ASPRV1: variants seen among roughly 807,000 people sequenced by gnomAD.
The protein encoded by ASPRV1 is retroviral-like aspartic protease 1.
A neutral mutation model predicts 11.0 loss-of-function variants in ASPRV1; 7 were observed. That is an observed-to-expected ratio of 0.64 (90% CI 0.36 to 1.20). The LOEUF is 1.20. ASPRV1 is among the 50% of genes most tolerant of loss of function. ASPRV1 has a pLI of 0.02. For missense variants in ASPRV1, 299 were observed against 320.0 expected (o/e 0.93, Z 0.50); for synonymous variants, 136 against 138.4 (o/e 0.98, Z 0.12).
the ASPRV1 span, among the ~76,000 whole-genome samples, chr2:70,038,216 A>G: frequency 6.6e-6 from 1 of 152,248 alleles, no homozygotes; most frequent in African/African-American, 2.4e-5. Context: ...AAAAGTAAAC[A>G]TCAGAGGGTC....
the ASPRV1 span, among the ~76,000 whole-genome samples, chr2:70,026,147 T>C: frequency 9.9e-5 from 15 of 152,124 alleles, no homozygotes; most frequent in Non-Finnish European, 1.6e-4. Context: ...GGTGAAACCT[T>C]GTCTCTACTA....
At chr2:70,055,029 G>A in the ASPRV1 span, among the ~76,000 whole-genome samples, 351 of 152,298 alleles carry the variant, frequency 2.3e-3, 3 homozygotes, top group Non-Finnish European at 4.2e-3. Context: ...CAGGACAGGC[G>A]AGGTGGCTCA....
chr2:70,011,415 CAGT>C, the ASPRV1 span, among the ~76,000 whole-genome samples: 1 of 151,988 alleles, frequency 6.6e-6, no homozygotes, highest in Non-Finnish European at 1.5e-5. Flanking sequence ...TGAGCTGAGG[CAGT>C]GGTGGTGGGG....
chr2:69,962,983 G>A (rs1678186480), upstream of ASPRV1: 3 of 312,832 alleles, frequency 9.6e-6, no homozygotes, highest in African/African-American at 6.5e-5. Context: ...TGGCACACCT[G>A]TGGCTCTGGG....
At chr2:69,968,232 C>T in the ASPRV1 span, among the ~76,000 whole-genome samples, 1 of 151,588 alleles carries the variant, frequency 6.6e-6, no homozygotes. Context: ...TTAAAAGGTG[C>T]TTTAAAAACT....
the ASPRV1 span, chr2:69,988,803 C>G: frequency 4.4e-6 from 2 of 456,640 alleles, 1 homozygote; most frequent in Non-Finnish European, 8.8e-6. Flanking sequence ...TCTGCCACCT[C>G]AAAGCAGGGG....
chr2:70,045,246 A>C, the ASPRV1 span: 1 of 152,200 alleles, frequency 6.6e-6, no homozygotes, highest in Non-Finnish European at 1.5e-5. Context: ...TACAGACTTG[A>C]GGAGAAATAA....
the ASPRV1 span, among the ~76,000 whole-genome samples, chr2:69,933,200 C>G: frequency 3.7e-5 from 3 of 80,142 alleles, no homozygotes; most frequent in Non-Finnish European, 7.5e-5. Flanking sequence ...AACTCTGTCT[C>G]AAAAAAAAAA....
At chr2:69,967,810 G>C in the ASPRV1 span, among the ~76,000 whole-genome samples, 1 of 152,336 alleles carries the variant, frequency 6.6e-6, no homozygotes, top group Non-Finnish European at 1.5e-5. Flanking sequence ...GCCAGGCATG[G>C]TGGCTCATGC....
At chr2:69,959,854 T>G (rs1050778030), downstream of ASPRV1, among the ~76,000 whole-genome samples, 1 of 152,252 alleles carries the variant, frequency 6.6e-6, no homozygotes. Context: ...GCTAAAATAC[T>G]ACAGATTGAA....
At chr2:70,037,433 C>T in the ASPRV1 span, among the ~76,000 whole-genome samples, 2 of 152,296 alleles carry the variant, frequency 1.3e-5, no homozygotes, top group African/African-American at 4.8e-5. Context: ...AGGCCGTTCT[C>T]GTGCCTCAGC....
At chr2:70,083,612 G>C in the ASPRV1 span, 1 of 152,148 alleles carries the variant, frequency 6.6e-6, no homozygotes, top group Admixed American at 6.6e-5. Flanking sequence ...TCAGTCAATT[G>C]CTCCATGTCT....
the ASPRV1 span, among the ~76,000 whole-genome samples, chr2:70,058,065 G>A: frequency 6.6e-6 from 1 of 152,152 alleles, no homozygotes; most frequent in African/African-American, 2.4e-5. Flanking sequence ...TTACAGGCGT[G>A]AGCCAACACG....
At chr2:69,991,082 C>A in the ASPRV1 span, among the ~76,000 whole-genome samples, 1 of 152,188 alleles carries the variant, frequency 6.6e-6, no homozygotes, top group Admixed American at 6.5e-5. Flanking sequence ...TATAAATTCA[C>A]CTCTCCTCTG....
chr2:69,938,220 A>G, the ASPRV1 span: 16 of 1,614,098 alleles, frequency 9.9e-6, no homozygotes, highest in Non-Finnish European at 1.3e-5. Context: ...GATGAGGGCT[A>G]TTCCAGCACC....
At chr2:70,004,124 G>A in the ASPRV1 span, among the ~76,000 whole-genome samples, 1 of 152,166 alleles carries the variant, frequency 6.6e-6, no homozygotes, top group African/African-American at 2.4e-5. Flanking sequence ...AAGGGTGAGG[G>A]TTGGCCAAGG....
chr2:70,077,465 T>C, the ASPRV1 span: 1 of 152,202 alleles, frequency 6.6e-6, no homozygotes, highest in South Asian at 2.1e-4. Flanking sequence ...TTTTTAAAAA[T>C]AAAACCTTTA....
At chr2:70,014,717 T>A in the ASPRV1 span, 14 of 149,332 alleles carry the variant, frequency 9.4e-5, no homozygotes, top group African/African-American at 3.5e-4. Context: ...GGAGCATCCC[T>A]TGAGCCAGGA....
At chr2:70,071,500 G>C in the ASPRV1 span, 1 of 152,218 alleles carries the variant, frequency 6.6e-6, no homozygotes, top group South Asian at 2.1e-4. Flanking sequence ...CCAGCACTTT[G>C]GGAGGCTGAG....
Sources: allele counts gnomAD v4.1 joint callset (sites outside exome capture counted in the v4.1 genomes callset), GRCh38; gene constraint gnomAD v4.1.1; transcripts MANE v1.5; gene names NCBI Gene and HGNC (gene_info 2026-07-23, HGNC 2026-07-21).